DOCK4: variants seen among roughly 807,000 people sequenced by gnomAD.
DOCK4 encodes dedicator of cytokinesis 4.
In DOCK4, 97 loss-of-function variants were observed where a neutral mutation model predicts 268.1. The observed-to-expected ratio is 0.36, with a 90% CI of 0.31 to 0.43. The LOEUF is 0.43. DOCK4 is among the 20% of genes least tolerant of loss of function. DOCK4 has a pLI of 1.00. For missense variants in DOCK4, 2,145 were observed against 2,455.7 expected, an observed-to-expected ratio of 0.87 and a Z score of 2.67; for synonymous variants, 954 against 887.2, an observed-to-expected ratio of 1.08 and a Z score of -1.34.
At chr7:111,781,708 C>T (rs1420794398) in intron 35 of DOCK4, among the ~76,000 whole-genome samples, 1 of 152,066 alleles carries the variant, frequency 6.6e-6, no homozygotes, top group Non-Finnish European at 1.5e-5. Flanking sequence ...AGAAGCAGTA[C>T]AGCAAGACAT....
intron 1 of DOCK4, among the ~76,000 whole-genome samples, chr7:112,043,902 A>G (rs1285495023): frequency 6.6e-6 from 1 of 152,008 alleles, no homozygotes; most frequent in African/African-American, 2.4e-5. Flanking sequence ...TTTAAAGAAA[A>G]GACTTTCTGA....
chr7:112,184,209 A>G (rs1241546894), intron 1 of DOCK4, among the ~76,000 whole-genome samples: 4 of 152,328 alleles, frequency 2.6e-5, no homozygotes, highest in South Asian at 2.1e-4. Context: ...CCACACTCCA[A>G]CGTAGACCTA....
chr7:112,021,268 G>C (rs1366670924), intron 1 of DOCK4, among the ~76,000 whole-genome samples: 1 of 152,162 alleles, frequency 6.6e-6, no homozygotes, highest in Non-Finnish European at 1.5e-5. Context: ...TTACTTGTTG[G>C]TTCTTAGCTA....
intron 1 of DOCK4, among the ~76,000 whole-genome samples, chr7:112,037,461 C>A (rs1466918886): frequency 6.6e-6 from 1 of 152,122 alleles, no homozygotes; most frequent in African/African-American, 2.4e-5. Flanking sequence ...ATCTTCCTCC[C>A]ATTCATCTCA....
intron 1 of DOCK4, among the ~76,000 whole-genome samples, chr7:112,076,392 AT>A (rs1354615617): frequency 6.6e-6 from 1 of 152,088 alleles, no homozygotes; most frequent in Non-Finnish European, 1.5e-5. Context: ...AAAATGTTAA[AT>A]TTTTTGGAAC....
At chr7:111,905,382 C>A (rs1586325181) in intron 13 of DOCK4, among the ~76,000 whole-genome samples, 1 of 152,312 alleles carries the variant, frequency 6.6e-6, no homozygotes, top group East Asian at 1.9e-4. Context: ...TCCTCTTTAG[C>A]AGGCCTGCTG....
In DOCK4 at chr7:111,822,454, A is replaced by ATATC; in HGVS notation, c.2837_2838insGATA (p.Asp946GlufsTer32). 6.2e-7 allele frequency: 1 copy of ATATC among 1,611,194 alleles called. No individual in the cohort carries two copies. Among genetic ancestry groups the ATATC allele is most frequent in the South Asian group, 1.1e-5 (1 of 90,258 alleles). On this transcript the variant is annotated frameshift_variant and splice_region_variant, in exon 27 of 53. Transcript: ENST00000428084. LOFTEE classifies it high-confidence loss of function. ...ACACAGTAAATATCTGCAGCAGGAA[A>ATATC]TCCTTGGATAAGGAGAAAATAGATC...
chr7:112,139,317 G>A (rs768650792), intron 1 of DOCK4, among the ~76,000 whole-genome samples: 19 of 152,052 alleles, frequency 1.2e-4, no homozygotes, highest in Non-Finnish European at 1.8e-4. Flanking sequence ...TGAGTCTTTC[G>A]AACAAAGACA....
At chr7:111,747,926 A>G (rs1216320893) in intron 42 of DOCK4, among the ~76,000 whole-genome samples, 2 of 152,102 alleles carry the variant, frequency 1.3e-5, no homozygotes, top group Non-Finnish European at 2.9e-5. Context: ...TGCCACATGA[A>G]CCTCATATAT....
At chr7:111,891,168 C>T (rs1222337248) in intron 16 of DOCK4, among the ~76,000 whole-genome samples, 2 of 146,566 alleles carry the variant, frequency 1.4e-5, no homozygotes, top group African/African-American at 2.6e-5. Context: ...CTGTCTCTTC[C>T]TATTTTTGTT....
chr7:112,109,764 A>G (rs1414822123), intron 1 of DOCK4, among the ~76,000 whole-genome samples: 1 of 78,900 alleles, frequency 1.3e-5, no homozygotes. Context: ...TTTTTTTTTG[A>G]GACGGAGTCT....
intron 37 of DOCK4, among the ~76,000 whole-genome samples, chr7:111,767,471 C>T (rs560072389): frequency 1.3e-3 from 196 of 152,104 alleles, no homozygotes; most frequent in African/African-American, 4.6e-3. Flanking sequence ...ATGATCCACC[C>T]GCCTCGGCCT....
chr7:111,868,132 T>C lies in DOCK4; in HGVS notation c.2132A>G (p.Tyr711Cys), dbSNP rs201322426. The change falls in exon 22 of 53, where the codon TAT becomes TGT. Residue 711 changes from tyrosine (Y) to cysteine (C), a missense_variant. Physicochemically the swap from Tyr to Cys is radical, Grantham distance 194. Around this residue, in one of 2 missense-constraint regions of DOCK4, gnomAD observed 1,598 missense variants for 1,986.7 expected, o/e 0.80. Coordinates refer to ENST00000428084, the MANE Select transcript of DOCK4 (RefSeq NM_001363540.2). ...VLKAQEYIFKYIVQSRRLFSL... is the reference protein window; with the variant it reads ...VLKAQEYIFKCIVQSRRLFSL... Reference sequence around the variant, plus strand: ...AAACAGCCTTCGAGATTGAACTATATACTTAAAAATGTATTCTTGTGCCTT... The same window carrying C: ...AAACAGCCTTCGAGATTGAACTATACACTTAAAAATGTATTCTTGTGCCTT... 4 of 1,595,146 alleles carry C rather than the reference T, an allele frequency of 2.5e-6. No homozygotes were observed. Among genetic ancestry groups the C allele is most frequent in the Non-Finnish European group, 3.4e-6 (4 of 1,173,912 alleles).
intron 1 of DOCK4, among the ~76,000 whole-genome samples, chr7:112,121,649 C>A (rs1225271899): frequency 6.6e-6 from 1 of 152,206 alleles, no homozygotes; most frequent in East Asian, 1.9e-4. Context: ...AAATTGAATG[C>A]TTTTAACTTT....
intron 30 of DOCK4, 139 bp from the exon 31 acceptor site, chr7:111,790,744 AACC>A: frequency 1.9e-6 from 2 of 1,065,882 alleles, no homozygotes; most frequent in Non-Finnish European, 2.6e-6. Flanking sequence ...AAAATATAAT[AACC>A]CATGAGATAC....
chr7:111,800,134 G>A (rs1800164316), intron 30 of DOCK4, among the ~76,000 whole-genome samples: 1 of 151,364 alleles, frequency 6.6e-6, no homozygotes, highest in South Asian at 2.1e-4. Context: ...ACTAAAGGTT[G>A]ATAATACAAT....
intron 27 of DOCK4, among the ~76,000 whole-genome samples, chr7:111,816,444 G>A (rs1170188111): frequency 6.6e-6 from 1 of 152,168 alleles, no homozygotes; most frequent in Non-Finnish European, 1.5e-5. Flanking sequence ...CTAAACGAGT[G>A]GTTCTCAAAC....
At chr7:112,168,295 A>T (rs370169844) in intron 1 of DOCK4, among the ~76,000 whole-genome samples, 3 of 152,334 alleles carry the variant, frequency 2.0e-5, no homozygotes, top group East Asian at 3.9e-4. Flanking sequence ...TGGCTCTTAG[A>T]TCCATCATAC....
At chr7:111,743,870 AATGCAGTGGTGTG>A (rs1466319104) in intron 44 of DOCK4, among the ~76,000 whole-genome samples, 10 of 152,170 alleles carry the variant, frequency 6.6e-5, no homozygotes, top group Admixed American at 6.5e-4. Context: ...CCCAGGAAGG[AATGCAGTGGTGTG>A]ATCATAGCTC....
Sources: gnomAD v4.1 joint callset for allele counts (sites outside exome capture counted in the v4.1 genomes callset) on GRCh38, gnomAD v4.1.1 for gene constraint, gnomAD v4.1.1 regional missense constraint, MANE v1.5 for transcripts, NCBI Gene and HGNC (gene_info 2026-07-23, HGNC 2026-07-21) for gene names.